ZNF536: variants seen among roughly 807,000 people sequenced by gnomAD.
The protein encoded by ZNF536 is zinc finger protein 536.
Under a neutral mutation model 84.5 loss-of-function variants are expected in ZNF536, and 13 were observed. The observed-to-expected ratio is 0.15, with a 90% CI of 0.10 to 0.24. The LOEUF (loss-of-function observed/expected upper bound fraction) is 0.24, where lower values mean the gene tolerates loss of function less well. Ranked by LOEUF, ZNF536 falls within the 10% of genes least tolerant of loss-of-function variation. The pLI is 1.00. For synonymous variants in ZNF536, 811 were observed against 742.5 expected (o/e 1.09, Z -1.50); for missense variants, 1,536 against 1,747.5 (o/e 0.88, Z 2.16).
intron 1 of ZNF536, among the ~76,000 whole-genome samples, chr19:30,246,408 C>G (rs999703804): frequency 6.6e-6 from 1 of 152,170 alleles, no homozygotes; most frequent in African/African-American, 2.4e-5. Flanking sequence ...AATCCTTCTG[C>G]GGCATCAAAT....
At chr19:30,300,878 G>A (rs2046159334) in intron 2 of ZNF536, among the ~76,000 whole-genome samples, 1 of 151,824 alleles carries the variant, frequency 6.6e-6, no homozygotes, top group Non-Finnish European at 1.5e-5. Flanking sequence ...TGTGTCTGGA[G>A]GTTCGAGTCC....
intron 1 of ZNF536, among the ~76,000 whole-genome samples, chr19:30,701,189 TCTCA>T (rs753983674): frequency 1.2e-4 from 7 of 57,904 alleles, no homozygotes; most frequent in African/African-American, 6.5e-4. Context: ...TATATCTCAC[TCTCA>T]CACACACACA....
At chr19:30,485,693 C>T (rs2054277567) in intron 2 of ZNF536, among the ~76,000 whole-genome samples, 1 of 134,012 alleles carries the variant, frequency 7.5e-6, no homozygotes, top group African/African-American at 3.5e-5. Context: ...AGGAAGCAGG[C>T]GGTGGGGTGG....
At chr19:30,684,227 T>C (rs181792143) in intron 1 of ZNF536, among the ~76,000 whole-genome samples, 2 of 152,248 alleles carry the variant, frequency 1.3e-5, no homozygotes, top group Non-Finnish European at 2.9e-5. Flanking sequence ...CCCTGCCTCC[T>C]GGGCTCAAGT....
At chr19:30,523,805 C>T (rs1355123897) in intron 2 of ZNF536, among the ~76,000 whole-genome samples, 3 of 152,322 alleles carry the variant, frequency 2.0e-5, no homozygotes, top group African/African-American at 7.2e-5. Flanking sequence ...GGTGGTATGG[C>T]TGTGTGACCA....
intron 1 of ZNF536, among the ~76,000 whole-genome samples, chr19:30,410,955 CA>C (rs2050470601): frequency 6.6e-6 from 1 of 152,178 alleles, no homozygotes; most frequent in Non-Finnish European, 1.5e-5. Context: ...TTGACACTAG[CA>C]TTTATATACT....
chr19:30,691,757 G>T (rs1326595537), intron 1 of ZNF536, among the ~76,000 whole-genome samples: 1 of 152,186 alleles, frequency 6.6e-6, no homozygotes, highest in South Asian at 2.1e-4. Flanking sequence ...AAAAAAAAAT[G>T]GGGAGGGGGG....
At chr19:30,357,651 C>G (rs1469931986) in intron 3 of ZNF536, among the ~76,000 whole-genome samples, 1 of 152,110 alleles carries the variant, frequency 6.6e-6, no homozygotes, top group Non-Finnish European at 1.5e-5. Flanking sequence ...GAAAGATGGA[C>G]AGCAGCACTG....
chr19:30,667,022 T>A (rs2050349732), intron 1 of ZNF536, among the ~76,000 whole-genome samples: 1 of 152,094 alleles, frequency 6.6e-6, no homozygotes. Flanking sequence ...TTGGGGCAGC[T>A]GTTCTCAGGC....
chr19:30,521,208 A>C (rs1024444175), intron 2 of ZNF536, among the ~76,000 whole-genome samples: 6 of 152,238 alleles, frequency 3.9e-5, no homozygotes, highest in African/African-American at 1.4e-4. Flanking sequence ...ATGCCCAGGC[A>C]AGCCTGTTCA....
intron 3 of ZNF536, among the ~76,000 whole-genome samples, chr19:30,545,179 A>G (rs1278293419): frequency 1.3e-5 from 2 of 152,080 alleles, no homozygotes; most frequent in Non-Finnish European, 2.9e-5. Context: ...CAAGCCCCCA[A>G]GGCAATTCCA....
chr19:30,694,354 A>G (rs898431231), intron 1 of ZNF536, among the ~76,000 whole-genome samples: 1 of 152,264 alleles, frequency 6.6e-6, no homozygotes, highest in Non-Finnish European at 1.5e-5. Context: ...GGTGTGTACA[A>G]GAATGCAGTT....
At chr19:30,515,815 C>A (rs2055614644) in intron 2 of ZNF536, among the ~76,000 whole-genome samples, 1 of 151,976 alleles carries the variant, frequency 6.6e-6, no homozygotes, top group Admixed American at 6.6e-5. Context: ...CACCCGAGGT[C>A]AGGAGTTCGA....
chr19:30,493,009 C>T (rs1470350872), intron 2 of ZNF536, among the ~76,000 whole-genome samples: 4 of 151,872 alleles, frequency 2.6e-5, no homozygotes, highest in East Asian at 1.9e-4. Flanking sequence ...GTCAGTCTGC[C>T]GCCAGCATTT....
At chr19:30,527,129 G>C (rs1465234997) in intron 2 of ZNF536, among the ~76,000 whole-genome samples, 1 of 151,290 alleles carries the variant, frequency 6.6e-6, no homozygotes, top group Non-Finnish European at 1.5e-5. Flanking sequence ...ATATTGGCCA[G>C]GTTGGTCTCG....
intron 1 of ZNF536, among the ~76,000 whole-genome samples, chr19:30,629,745 C>T (rs944513488): frequency 1.2e-4 from 18 of 152,338 alleles, no homozygotes; most frequent in African/African-American, 4.1e-4. Context: ...TTTCTCTGCT[C>T]CTCTGGCTCC....
chr19:30,270,194 C>A (rs912554669), intron 1 of ZNF536, among the ~76,000 whole-genome samples: 5 of 152,166 alleles, frequency 3.3e-5, no homozygotes, highest in African/African-American at 9.7e-5. Context: ...GACAATTCTT[C>A]GTGGATACAA....
chr19:30,242,674 T>C (rs7254405), intron 1 of ZNF536, among the ~76,000 whole-genome samples: 38,054 of 152,062 alleles, frequency 0.25, 6,054 homozygotes, highest in East Asian at 0.52. Context: ...CAAAGACCTA[T>C]CCCTTTCGAG....
At chr19:30,659,609 T>C (rs2050045122) in intron 1 of ZNF536, among the ~76,000 whole-genome samples, 1 of 152,194 alleles carries the variant, frequency 6.6e-6, no homozygotes, top group African/African-American at 2.4e-5. Context: ...CACGTCTGCA[T>C]GGCAGCAGGC....
Sources: allele counts gnomAD v4.1 joint callset (sites outside exome capture counted in the v4.1 genomes callset), GRCh38; gene constraint gnomAD v4.1.1; transcripts MANE v1.5; gene names NCBI Gene and HGNC (gene_info 2026-07-23, HGNC 2026-07-21).